The following ZNF112 variants were observed in gnomAD, a reference collection of about 807,000 sequenced individuals.
ZNF112 encodes the protein zinc finger protein 112.
A neutral mutation model predicts 77.7 loss-of-function variants in ZNF112; 37 were observed. The observed-to-expected ratio is 0.48, with a 90% CI of 0.37 to 0.63. The LOEUF (loss-of-function observed/expected upper bound fraction) is 0.63. ZNF112 is among the 20% of genes least tolerant of loss of function. The pLI, the probability that ZNF112 is intolerant of heterozygous loss-of-function variation, is 0.00. For missense variants in ZNF112, 950 were observed against 1,077.4 expected (o/e 0.88, Z 1.66); for synonymous variants, 333 against 363.6 (o/e 0.92, Z 0.96).
chr19:44,339,739 A>T (rs1022350059), intron 2 of ZNF112, among the ~76,000 whole-genome samples: 1 of 151,930 alleles, frequency 6.6e-6, no homozygotes, highest in Non-Finnish European at 1.5e-5. Flanking sequence ...ATTGAGCCTG[A>T]GTGTGGGGCT....
chr19:44,329,721 A>G lies in ZNF112; in HGVS notation c.436T>C (p.Ser146Pro). 1 of 1,614,106 alleles carries G rather than the reference A, an allele frequency of 6.2e-7. No homozygotes were observed. The change falls in exon 4 of 4, where the codon TCT becomes CCT. Residue 146 changes from serine to proline, a missense_variant. Coordinates refer to ENST00000354340, the MANE Select transcript of ZNF112 (RefSeq NM_013380.4). Reference sequence around the variant, plus strand: ...GTGAATATATAGTTCTTATCTTCAGAAATCTGAACTGGTATTCCTGCCCAA... The same window carrying G: ...GTGAATATATAGTTCTTATCTTCAGGAATCTGAACTGGTATTCCTGCCCAA... ...QVWAGIPVQISEDKNYIFTHI... is the reference protein window; with the variant it reads ...QVWAGIPVQIPEDKNYIFTHI...
upstream of ZNF112, among the ~76,000 whole-genome samples, chr19:44,357,807 T>C (rs904686118): frequency 1.3e-5 from 2 of 152,186 alleles, no homozygotes; most frequent in Admixed American, 6.5e-5. Context: ...GCTCTTGATA[T>C]AGCAAATATT....
At chr19:44,341,078 C>A (rs759693114) in intron 1 of ZNF112, 4 of 449,356 alleles carry the variant, frequency 8.9e-6, no homozygotes, top group Non-Finnish European at 1.8e-5. Context: ...GGACAAGTTT[C>A]CTATCTTCTC....
intron 1 of ZNF112, among the ~76,000 whole-genome samples, chr19:44,351,043 C>G (rs370240489): frequency 6.6e-6 from 1 of 152,070 alleles, no homozygotes; most frequent in Non-Finnish European, 1.5e-5. Flanking sequence ...AAGGTGTCAG[C>G]AGGGCTGGTT....
chr19:44,328,682 G>A lies in ZNF112; in HGVS notation c.1475C>T (p.Pro492Leu). ...GHPKIHIGEKPRKEHGNGFNW... is the reference protein window; with the variant it reads ...GHPKIHIGEKLRKEHGNGFNW... ...GAAGCCATTCCCATGCTCCTTACGT[G>A]GTTTCTCTCCAATGTGAATTTTTGG... The change falls in exon 4 of 4, where the codon CCA (proline) becomes CTA (leucine). Residue 492 changes from proline to leucine, a missense_variant. Physicochemically the swap from Pro to Leu is moderately conservative, Grantham distance 98. This residue lies in a region of ZNF112 where 560 missense variants were observed against 557.3 expected (regional missense o/e 1.00). Coordinates refer to ENST00000354340, the MANE Select transcript of ZNF112 (RefSeq NM_013380.4). The A allele has an allele frequency of 6.2e-7, 1 of 1,614,092 alleles. No homozygotes were observed. Among genetic ancestry groups the A allele is most frequent in the South Asian group, 1.1e-5 (1 of 91,086 alleles).
chr19:44,339,578 C>G (rs1166119641), intron 2 of ZNF112, among the ~76,000 whole-genome samples: 2 of 152,210 alleles, frequency 1.3e-5, no homozygotes, highest in Non-Finnish European at 2.9e-5. Context: ...CGGAAGATGA[C>G]AAGTGGAAGC....
In ZNF112 at chr19:44,327,499, T is replaced by C. The variant is rs192670888; in HGVS notation, c.2658A>G (p.Glu886=). Residue 886 remains glutamate (E), a synonymous_variant, in exon 4 of 4, where the codon GAA becomes GAG. Transcript: ENST00000354340. ...ATGAAGGGTAGTCCTTACCATAGTC[T>C]TCGCTTTTATAGAATTTATCACTAC... ...VHSSDKFYKS[E]DYGKDYPSSE... is the part of the protein sequence containing the mutation. 1 of 1,613,912 alleles carries C rather than the reference T, an allele frequency of 6.2e-7. No individual in the cohort carries two copies. Among genetic ancestry groups the C allele is most frequent in the East Asian group, 2.2e-5 (1 of 44,878 alleles).
intron 3 of ZNF112, among the ~76,000 whole-genome samples, chr19:44,333,859 G>A (rs1398993492): frequency 6.6e-6 from 1 of 152,148 alleles, no homozygotes; most frequent in Non-Finnish European, 1.5e-5. Flanking sequence ...CCAGAAAAGT[G>A]GGGCATTGCT....
intron 1 of ZNF112, among the ~76,000 whole-genome samples, chr19:44,341,710 G>T (rs1401724890): frequency 6.6e-6 from 1 of 152,128 alleles, no homozygotes; most frequent in Non-Finnish European, 1.5e-5. Flanking sequence ...TAATTCATTT[G>T]GAGGACACCG....
At chr19:44,336,384 G>C (rs1970366437) in intron 3 of ZNF112, among the ~76,000 whole-genome samples, 1 of 152,148 alleles carries the variant, frequency 6.6e-6, no homozygotes, top group African/African-American at 2.4e-5. Context: ...GCAATCATGG[G>C]GCAGTGCCTC....
chr19:44,335,865 C>T (rs571740050), intron 3 of ZNF112, among the ~76,000 whole-genome samples: 1 of 152,288 alleles, frequency 6.6e-6, no homozygotes, highest in African/African-American at 2.4e-5. Context: ...GCGACGGTGG[C>T]TTTTGATGTC....
intron 1 of ZNF112, among the ~76,000 whole-genome samples, chr19:44,351,036 G>C (rs180960328): frequency 1.3e-5 from 2 of 152,162 alleles, no homozygotes; most frequent in African/African-American, 4.8e-5. Flanking sequence ...TAAAGTCAAG[G>C]TGTCAGCAGG....
At chr19:44,354,489 A>T (rs890344394) in intron 1 of ZNF112, among the ~76,000 whole-genome samples, 1 of 152,184 alleles carries the variant, frequency 6.6e-6, no homozygotes, top group Non-Finnish European at 1.5e-5. Flanking sequence ...TTATCAAAAC[A>T]TAACCAATCA....
intron 2 of ZNF112, among the ~76,000 whole-genome samples, chr19:44,337,309 A>T (rs1436599732): frequency 7.7e-5 from 9 of 117,182 alleles, no homozygotes; most frequent in African/African-American, 1.7e-4. Context: ...ATATATATAT[A>T]TTTTGTATAT....
chr19:44,330,293 C>T (rs556331527), intron 3 of ZNF112, among the ~76,000 whole-genome samples: 3 of 152,172 alleles, frequency 2.0e-5, no homozygotes, highest in Non-Finnish European at 4.4e-5. Context: ...ATACAAAACA[C>T]TTCTGGTCCC....
chr19:44,350,510 A>G (rs1970672579), intron 1 of ZNF112, among the ~76,000 whole-genome samples: 1 of 152,076 alleles, frequency 6.6e-6, no homozygotes, highest in Admixed American at 6.6e-5. Context: ...CAGACTTGAT[A>G]ATGCTTCTTA....
chr19:44,334,866 G>C (rs964713596), intron 3 of ZNF112, among the ~76,000 whole-genome samples: 2 of 152,256 alleles, frequency 1.3e-5, no homozygotes, highest in Non-Finnish European at 2.9e-5. Context: ...CAGGGGTGGA[G>C]CCCTCATGGA....
At chr19:44,365,520 C>CAT (rs1970895824) in intron 1 of ZNF112, among the ~76,000 whole-genome samples, 1 of 151,934 alleles carries the variant, frequency 6.6e-6, no homozygotes, top group Non-Finnish European at 1.5e-5. Flanking sequence ...TACACACACA[C>CAT]ACATACATAC....
At chr19:44,361,858 G>C (rs2571070) in intron 1 of ZNF112, among the ~76,000 whole-genome samples, 1 of 151,936 alleles carries the variant, frequency 6.6e-6, no homozygotes, top group Non-Finnish European at 1.5e-5. Flanking sequence ...CAAACAATAG[G>C]AGAAACTGGG....
Sources: gnomAD v4.1 joint callset for allele counts (sites outside exome capture counted in the v4.1 genomes callset) on GRCh38, gnomAD v4.1.1 for gene constraint, gnomAD v4.1.1 regional missense constraint, MANE v1.5 for transcripts, NCBI Gene and HGNC (gene_info 2026-07-23, HGNC 2026-07-21) for gene names.